The following DIAPH3 variants were observed in gnomAD, a reference collection of about 807,000 sequenced individuals.
DIAPH3 encodes the protein protein diaphanous homolog 3.
DIAPH3 carries 117 observed loss-of-function variants against 144.3 expected under a neutral mutation model. The ratio of observed to expected loss-of-function variants is 0.81; its 90% CI spans 0.70 to 0.95. The LOEUF is 0.95. Among genes scored for constraint, DIAPH3 ranks in the 40% least tolerant of loss-of-function variants. The pLI, the probability that DIAPH3 is intolerant of heterozygous loss-of-function variation, is 0.00. For synonymous variants in DIAPH3, 519 were observed against 488.9 expected, an observed-to-expected ratio of 1.06 and a Z score of -0.81; for missense variants, 1,421 against 1,412.7, an observed-to-expected ratio of 1.01 and a Z score of -0.09.
intron 27 of DIAPH3, among the ~76,000 whole-genome samples, chr13:59,668,211 C>T (rs2032133938): frequency 6.6e-6 from 1 of 152,164 alleles, no homozygotes; most frequent in African/African-American, 2.4e-5. Context: ...CCGGAAAGAG[C>T]ACGGTAGATG....
At chr13:59,983,089 C>T (rs1021433712) in intron 13 of DIAPH3, among the ~76,000 whole-genome samples, 5 of 125,788 alleles carry the variant, frequency 4.0e-5, no homozygotes, top group Non-Finnish European at 8.2e-5. Flanking sequence ...CTGACGAAAA[C>T]TTTAATAAAA....
At chr13:59,839,055 G>C in intron 23 of DIAPH3, 4 of 319,018 alleles carry the variant, frequency 1.3e-5, no homozygotes, top group South Asian at 1.2e-4. Flanking sequence ...AGGTTGCAGT[G>C]AGCCAAGATC....
At chr13:59,905,874 C>T (rs2046709267) in intron 20 of DIAPH3, among the ~76,000 whole-genome samples, 2 of 152,178 alleles carry the variant, frequency 1.3e-5, no homozygotes, top group South Asian at 4.1e-4. Flanking sequence ...AGAAGGAATG[C>T]ACCCAAGCTA....
At position 59,838,926 on chromosome 13, in the gene DIAPH3, T is replaced by C. The variant is rs550640326; in HGVS notation, c.2862+398A>G. 5.1e-4 allele frequency: 91 copies of C among 179,944 alleles called. 1 individual carries two copies. In the South Asian group the frequency reaches 9.7e-3, roughly 19 times the overall value. 11.1% of individuals were successfully genotyped at this position (179,944 alleles called of 1,614,324 possible). A position where few individuals can be genotyped will look rare whatever the true frequency, so the allele number is the denominator to read the frequency against. Reference sequence around the variant, plus strand: ...GAGGTCGATACCAGTCTGGCGAATATGGTGAAACCCTGTCTCTACTAAAAA... The same window carrying C: ...GAGGTCGATACCAGTCTGGCGAATACGGTGAAACCCTGTCTCTACTAAAAA... On this transcript the variant is annotated intron_variant, in intron 23 of 27. Transcript: ENST00000400324.
At chr13:59,756,683 C>A (rs1055420627) in intron 27 of DIAPH3, among the ~76,000 whole-genome samples, 2 of 152,150 alleles carry the variant, frequency 1.3e-5, no homozygotes, top group Admixed American at 6.5e-5. Context: ...TAAGCTGCTA[C>A]CTCATTACCC....
intron 27 of DIAPH3, among the ~76,000 whole-genome samples, chr13:59,691,398 T>C (rs1428993955): frequency 6.6e-6 from 1 of 152,182 alleles, no homozygotes; most frequent in Non-Finnish European, 1.5e-5. Context: ...TCAAAGATTA[T>C]AAAAGCTTAC....
intron 20 of DIAPH3, among the ~76,000 whole-genome samples, chr13:59,907,687 T>G (rs73543287): frequency 1.5e-3 from 227 of 152,324 alleles, no homozygotes; most frequent in African/African-American, 5.2e-3. Context: ...AATGAGTGCA[T>G]GTCCAGTGAC....
At chr13:59,952,916 T>C (rs1295000509) in intron 17 of DIAPH3, among the ~76,000 whole-genome samples, 2 of 152,120 alleles carry the variant, frequency 1.3e-5, no homozygotes, top group Non-Finnish European at 2.9e-5. Context: ...GATACATCAG[T>C]AAATGAAACA....
At chr13:59,729,586 GT>G (rs796111776) in intron 27 of DIAPH3, among the ~76,000 whole-genome samples, 2 of 151,932 alleles carry the variant, frequency 1.3e-5, no homozygotes, top group African/African-American at 4.8e-5. Flanking sequence ...TGTGATGTTA[GT>G]TATTTATACG....
intron 20 of DIAPH3, among the ~76,000 whole-genome samples, chr13:59,883,126 C>T (rs1171481237): frequency 1.3e-5 from 2 of 152,128 alleles, no homozygotes; most frequent in African/African-American, 4.8e-5. Flanking sequence ...CCATTCAGTG[C>T]TGTGAGGGGC....
intron 21 of DIAPH3, among the ~76,000 whole-genome samples, chr13:59,863,886 T>C (rs771417519): frequency 6.6e-6 from 1 of 152,170 alleles, no homozygotes; most frequent in Non-Finnish European, 1.5e-5. Context: ...AACATGTCCT[T>C]GACTAATTAA....
chr13:60,132,912 G>A (rs747743174), intron 2 of DIAPH3, 45 bp downstream of exon 2: 2 of 1,517,006 alleles, frequency 1.3e-6, no homozygotes, highest in African/African-American at 2.7e-5. Flanking sequence ...ACGTTATATG[G>A]TTAGTTACAA....
chr13:59,706,577 G>A (rs1566201433), intron 27 of DIAPH3, among the ~76,000 whole-genome samples: 1 of 152,134 alleles, frequency 6.6e-6, no homozygotes, highest in Non-Finnish European at 1.5e-5. Context: ...TGTATACTTT[G>A]TAAATGTTCT....
intron 2 of DIAPH3, among the ~76,000 whole-genome samples, chr13:60,123,304 C>T (rs1337460510): frequency 6.6e-6 from 1 of 152,110 alleles, no homozygotes; most frequent in Non-Finnish European, 1.5e-5. Context: ...ACGACAGAGA[C>T]CTTCTTTTTC....
chr13:59,710,951 C>T (rs2034700933), intron 27 of DIAPH3, among the ~76,000 whole-genome samples: 1 of 152,146 alleles, frequency 6.6e-6, no homozygotes. Flanking sequence ...AAGACAAAAA[C>T]ACTCAGAGGA....
chr13:59,995,745 A>G (rs927299496), intron 9 of DIAPH3, among the ~76,000 whole-genome samples: 29 of 151,976 alleles, frequency 1.9e-4, no homozygotes, highest in African/African-American at 6.8e-4. Context: ...TTTGGAGATG[A>G]TAAGTTGGAA....
intron 10 of DIAPH3, 105 bp from the exon 11 acceptor site, chr13:59,992,291 C>A: frequency 9.3e-7 from 1 of 1,076,862 alleles, no homozygotes; most frequent in Non-Finnish European, 1.4e-6. Context: ...TGATTTATAG[C>A]ATTCGAACAT....
At position 59,879,448 on chromosome 13, in the gene DIAPH3, T is replaced by C. The variant is rs2044859398; in HGVS notation, c.2388A>G (p.Leu796=). ...AGAGAATAGCACTGAGCCGTGGCCG[T>C]AGTCTCTTCACATTGCTCATCTGAT... ...FVVVMSNVKR[L]RPRLSAILFK... Residue 796 remains leucine (L), a synonymous_variant, in exon 21 of 28, where the codon CTA becomes CTG. Transcript: ENST00000400324. The C allele has an allele frequency of 6.2e-7, 1 of 1,613,612 alleles. No homozygotes were observed. Among genetic ancestry groups the C allele is most frequent in the Non-Finnish European group, 8.5e-7 (1 of 1,179,786 alleles).
At chr13:59,912,875 T>C (rs2047058896) in intron 19 of DIAPH3, among the ~76,000 whole-genome samples, 1 of 152,144 alleles carries the variant, frequency 6.6e-6, no homozygotes, top group South Asian at 2.1e-4. Context: ...GAATAAGTTA[T>C]TGACTCACTG....
Sources: allele counts gnomAD v4.1 joint callset (sites outside exome capture counted in the v4.1 genomes callset), GRCh38; gene constraint gnomAD v4.1.1; transcripts MANE v1.5; gene names NCBI Gene and HGNC (gene_info 2026-07-23, HGNC 2026-07-21).